The following NRL variants were observed in gnomAD, a reference collection of about 807,000 sequenced individuals.
The protein encoded by NRL is neural retina leucine zipper, also known as neural retina-specific leucine zipper protein.
In NRL, 16 loss-of-function variants were observed where a neutral mutation model predicts 12.5. The observed-to-expected ratio is 1.28, with a 90% confidence interval of 0.87 to 1.95. The LOEUF (loss-of-function observed/expected upper bound fraction) is 1.95. Ranked by LOEUF, NRL falls within the 30% of genes most tolerant of loss-of-function variation. The probability of loss-of-function intolerance (pLI) is 0.00; values close to 1 mark genes in which losing one functional copy is unlikely to be tolerated. For missense variants in NRL, 314 were observed against 325.8 expected, an observed-to-expected ratio of 0.96 and a Z score of 0.28; for synonymous variants, 142 against 150.9, an observed-to-expected ratio of 0.94 and a Z score of 0.43.
At position 24,081,412 on chromosome 14, in the gene NRL, GC is replaced by G. The variant is rs2138869609; in HGVS notation, c.537del (p.Lys179AsnfsTer44). Reference sequence around the variant, plus strand: ...TCCAGCCCGCGCCGCTGCTGCAGCCGCTTGGAGCGACAGGCCTGCGCGTAGC... The same window carrying G: ...TCCAGCCCGCGCCGCTGCTGCAGCCGTTGGAGCGACAGGCCTGCGCGTAGC... ...NRGYAQACRS[K>X]RLQQRRGLEA... On this transcript the variant is annotated frameshift_variant, in exon 3 of 3. Coordinates refer to ENST00000561028, the MANE Select transcript of NRL (RefSeq NM_001354768.3). LOFTEE classifies it high-confidence loss of function. This position sits in a 1 kb window ranked among gnomAD's most constrained non-coding sequence, Gnocchi z 4.4. 1 of 1,520,074 alleles carries G rather than the reference GC, an allele frequency of 6.6e-7. No homozygotes were observed. The highest frequency in any genetic ancestry group is 2.0e-5 in the Admixed American group (1 of 49,028). The allele number at this position is 1,520,074 out of a possible 1,614,324, so 94.2% of individuals were successfully genotyped here.
chr14:24,104,264 GCACTGGGT>G, intron 1 of NRL: 1 of 387,270 alleles, frequency 2.6e-6, no homozygotes, highest in Middle Eastern at 7.8e-4. Flanking sequence ...GGTAGCTCTA[GCACTGGGT>G]CACAGACATA....
chr14:24,079,645 G>T lies in NRL; in HGVS notation c.*1591C>A, dbSNP rs1205589979. Among the ~76,000 whole-genome samples the T allele has an allele frequency of 6.6e-6, 1 of 152,040 alleles. No homozygotes were observed. The highest frequency in any genetic ancestry group is 1.5e-5 in the Non-Finnish European group (1 of 67,980). ...GGAAGAGAAGAGACAGCTGGGGAGG[G>T]GGTGGAGAGAGGGGGTAGAAAGGAA... On this transcript the variant is annotated 3_prime_UTR_variant, in exon 3 of 3. Coordinates refer to ENST00000561028, the MANE Select transcript of NRL (RefSeq NM_001354768.3).
chr14:24,089,005 T>G (rs776636901), intron 1 of NRL, among the ~76,000 whole-genome samples: 48 of 151,482 alleles, frequency 3.2e-4, no homozygotes, highest in Non-Finnish European at 6.0e-4. Context: ...GGGGTTTCAC[T>G]GGGTTAGCCA....
chr14:24,108,919 AGAG>A (rs1314043850), intron 1 of NRL, among the ~76,000 whole-genome samples: 2 of 152,214 alleles, frequency 1.3e-5, no homozygotes, highest in Admixed American at 1.3e-4. Context: ...GAGCTGCAGT[AGAG>A]GAGAGGAGGA....
At chr14:24,106,720 C>CAAA (rs61141281) in intron 1 of NRL, among the ~76,000 whole-genome samples, 31 of 132,224 alleles carry the variant, frequency 2.3e-4, no homozygotes, top group Non-Finnish European at 1.1e-4. Context: ...GACTCTGTCT[C>CAAA]AAAAAAAAAA....
chr14:24,081,651 C>T lies in NRL; in HGVS notation c.382-83G>A, dbSNP rs1236015345. 3 of 1,536,278 alleles carry T rather than the reference C, an allele frequency of 2.0e-6. No homozygotes were observed. Among genetic ancestry groups the T allele is most frequent in the African/African-American group, 1.4e-5 (1 of 72,680 alleles). The stretch of plus-strand genomic sequence containing the variant: ...GAGGGCCCGACGCTACCTGGCTCCG[C>T]CCCGGGACAGCCCCGCCCCGGCTCC... On this transcript the variant is annotated intron_variant, in intron 2 of 2. Coordinates refer to ENST00000561028, the MANE Select transcript of NRL (RefSeq NM_001354768.3). The surrounding 1 kb of genome is among the most constrained non-coding windows in gnomAD (Gnocchi z 4.4).
At chr14:24,093,355 A>C (rs945917870) in intron 1 of NRL, 1 of 152,288 alleles carries the variant, frequency 6.6e-6, no homozygotes, top group Non-Finnish European at 1.5e-5. Flanking sequence ...TTGGGTGGGC[A>C]GATGAGTTTC....
chr14:24,103,885 C>CA, intron 1 of NRL: 2 of 1,614,114 alleles, frequency 1.2e-6, no homozygotes, highest in Non-Finnish European at 1.7e-6. Flanking sequence ...AGCTACCTGA[C>CA]AGAGCAGGTC....
chr14:24,104,287 T>C (rs1273071223), intron 1 of NRL, among the ~76,000 whole-genome samples: 55 of 151,668 alleles, frequency 3.6e-4, no homozygotes, highest in Admixed American at 3.6e-3. Context: ...GACATAGGAA[T>C]TGCTGGGAGA....
chr14:24,084,603 G>A (rs1419380614), intron 1 of NRL: 18 of 985,426 alleles, frequency 1.8e-5, no homozygotes, highest in Middle Eastern at 5.2e-4. Flanking sequence ...CATGGAGCAG[G>A]GCCTGGTGCC....
In NRL at chr14:24,081,544, C is replaced by G. The variant is rs2036301037; in HGVS notation, c.406G>C (p.Ala136Pro). ...TCCCGCACAGACATCGAGACCAGCG[C>G]CGCGTCGGAAAACCGCTCTGCCAGC... Reference protein sequence around the residue: ...VQLAERFSDAALVSMSVRELN... With the variant: ...VQLAERFSDAPLVSMSVRELN... The change falls in exon 3 of 3, where the codon GCG becomes CCG. Residue 136 changes from alanine to proline, a missense_variant. Physicochemically the swap from Ala to Pro is conservative, Grantham distance 27 (BLOSUM62 -1). Coordinates refer to ENST00000561028, the MANE Select transcript of NRL (RefSeq NM_001354768.3). This position sits in a 1 kb window ranked among gnomAD's most constrained non-coding sequence, Gnocchi z 4.4. 1 of 1,602,728 alleles carries G rather than the reference C, an allele frequency of 6.2e-7. No homozygotes were observed. Among genetic ancestry groups the G allele is most frequent in the South Asian group, 1.1e-5 (1 of 89,152 alleles).
intron 1 of NRL, among the ~76,000 whole-genome samples, chr14:24,086,144 G>A (rs2036459979): frequency 6.6e-6 from 1 of 152,156 alleles, no homozygotes; most frequent in African/African-American, 2.4e-5. Context: ...AACCTGGGAG[G>A]CGGAGGTTGC....
chr14:24,101,191 A>C (rs1245193875), intron 1 of NRL, among the ~76,000 whole-genome samples: 1 of 152,020 alleles, frequency 6.6e-6, no homozygotes, highest in East Asian at 1.9e-4. Context: ...TAGTTCCCCA[A>C]CCCTTTCATC....
intron 1 of NRL, among the ~76,000 whole-genome samples, chr14:24,083,410 A>G (rs968551068): frequency 5.3e-5 from 8 of 152,148 alleles, no homozygotes; most frequent in Admixed American, 3.3e-4. Context: ...CTCAGTGTAC[A>G]TTTGTTCTAT....
intron 1 of NRL, chr14:24,099,700 G>A (rs762300242): frequency 1.4e-5 from 23 of 1,613,960 alleles, no homozygotes; most frequent in South Asian, 4.4e-5. Flanking sequence ...GATATTGCTT[G>A]GATGAGGTTT....
chr14:24,081,866 G>C lies in NRL; in HGVS notation c.382-298C>G. The C allele has an allele frequency of 1.5e-6, 2 of 1,364,376 alleles. No individual in the cohort carries two copies. Among genetic ancestry groups the C allele is most frequent in the Non-Finnish European group, 1.9e-6 (2 of 1,055,576 alleles). The allele number at this position is 1,364,376 out of a possible 1,614,324, so 84.5% of individuals were successfully genotyped here. Reference sequence around the variant, plus strand: ...CCCCGGGCTCGTCTCTGGGATCCCCGGCATCCAGCTCCAGGCCCGGGTGTG... The same window carrying C: ...CCCCGGGCTCGTCTCTGGGATCCCCCGCATCCAGCTCCAGGCCCGGGTGTG... On this transcript the variant is annotated intron_variant, in intron 2 of 2. Transcript: ENST00000561028. The surrounding 1 kb of genome is among the most constrained non-coding windows in gnomAD (Gnocchi z 4.4).
At position 24,099,092 on chromosome 14, in the gene NRL, G is replaced by A. The variant is rs774922943; in HGVS notation, c.-28+15630C>T. 7.9e-4 allele frequency: 1,274 copies of A among 1,611,080 alleles called. 1 individual carries two copies. The highest frequency in any genetic ancestry group is 1.0e-3 in the Non-Finnish European group (1,175 of 1,178,258). ...GGCCGTGCAACCCAGAGAAAACCCTGATTGGCCACGTGCCCGACCAGCGGG... is the reference window on the plus strand; with the variant it reads ...GGCCGTGCAACCCAGAGAAAACCCTAATTGGCCACGTGCCCGACCAGCGGG... On this transcript the variant is annotated intron_variant, in intron 1 of 2. Transcript: ENST00000561028.
rs1490237720 is a variant in NRL at position 24,082,010 on chromosome 14, C to A, written c.382-442G>T. On this transcript the variant is annotated intron_variant, in intron 2 of 2. Coordinates refer to ENST00000561028, the MANE Select transcript of NRL (RefSeq NM_001354768.3). Reference sequence around the variant, plus strand: ...GGATTACATCCTAATGCCCGCAACACCCCCATCTGTGTCTGTAATTAATAG... The same window carrying A: ...GGATTACATCCTAATGCCCGCAACAACCCCATCTGTGTCTGTAATTAATAG... The A allele has an allele frequency of 5.0e-6, 6 of 1,203,686 alleles. No individual in the cohort carries two copies. In the South Asian group the frequency reaches 1.0e-4, roughly 20 times the overall value. 74.6% of individuals were successfully genotyped at this position (1,203,686 alleles called of 1,614,324 possible). A position where few individuals can be genotyped will look rare whatever the true frequency, so the allele number is the denominator to read the frequency against.
chr14:24,099,976 C>T, intron 1 of NRL: 1 of 1,614,188 alleles, frequency 6.2e-7, no homozygotes, highest in Non-Finnish European at 8.5e-7. Context: ...TCCTTCCTTT[C>T]TTTCACTTCT....
Sources: allele counts gnomAD v4.1 joint callset (sites outside exome capture counted in the v4.1 genomes callset), GRCh38; gene constraint gnomAD v4.1.1; non-coding constraint Gnocchi (gnomAD v3.1); transcripts MANE v1.5; gene names NCBI Gene and HGNC (gene_info 2026-07-23, HGNC 2026-07-21).